SMYD3: variants seen among roughly 807,000 people sequenced by gnomAD.
SMYD3 encodes SET and MYND domain containing 3.
SMYD3 carries 36 observed loss-of-function variants against 57.7 expected under a neutral mutation model. The ratio of observed to expected loss-of-function variants is 0.62; its 90% confidence interval spans 0.48 to 0.82. The LOEUF (loss-of-function observed/expected upper bound fraction) is 0.82. Among genes scored for constraint, SMYD3 ranks in the 40% least tolerant of loss-of-function variants. The pLI is 0.00. For missense variants in SMYD3, 515 were observed against 538.8 expected (o/e 0.96, Z 0.44); for synonymous variants, 211 against 195.0 (o/e 1.08, Z -0.68).
At chr1:246,130,260 C>A (rs779193086) in intron 5 of SMYD3, among the ~76,000 whole-genome samples, 3 of 152,120 alleles carry the variant, frequency 2.0e-5, no homozygotes, top group Non-Finnish European at 4.4e-5. Flanking sequence ...TCACTAAGAT[C>A]ATTTAGGGTT....
chr1:246,288,483 TG>T (rs1394282480), intron 5 of SMYD3, among the ~76,000 whole-genome samples: 1 of 151,856 alleles, frequency 6.6e-6, no homozygotes, highest in Admixed American at 6.6e-5. Context: ...TGTGACCCAG[TG>T]GGGGTAATGC....
At chr1:246,312,742 T>C (rs1024096657) in intron 5 of SMYD3, among the ~76,000 whole-genome samples, 2 of 152,164 alleles carry the variant, frequency 1.3e-5, no homozygotes, top group African/African-American at 4.8e-5. Flanking sequence ...CAGCACCATA[T>C]TGTCATTCAA....
intron 8 of SMYD3, among the ~76,000 whole-genome samples, chr1:245,888,761 A>G (rs1371489406): frequency 6.6e-6 from 1 of 152,246 alleles, no homozygotes; most frequent in Non-Finnish European, 1.5e-5. Flanking sequence ...TAACATGCAG[A>G]AAGAGCCCAA....
chr1:246,027,595 T>C (rs1206618051), intron 5 of SMYD3, among the ~76,000 whole-genome samples: 2 of 152,248 alleles, frequency 1.3e-5, no homozygotes, highest in East Asian at 1.9e-4. Context: ...CATAGTTTAC[T>C]GAATATCTGA....
chr1:246,068,397 C>G (rs2060385035), intron 5 of SMYD3, among the ~76,000 whole-genome samples: 1 of 151,986 alleles, frequency 6.6e-6, no homozygotes, highest in Non-Finnish European at 1.5e-5. Flanking sequence ...TTTTATAATT[C>G]TCTTCTTTAT....
intron 8 of SMYD3, among the ~76,000 whole-genome samples, chr1:245,869,616 G>C (rs1387670981): frequency 6.6e-6 from 1 of 152,198 alleles, no homozygotes; most frequent in Non-Finnish European, 1.5e-5. Context: ...TCTCAGGTAA[G>C]AACGAGTCTC....
At chr1:246,282,008 T>C (rs936615299) in intron 5 of SMYD3, among the ~76,000 whole-genome samples, 2 of 152,168 alleles carry the variant, frequency 1.3e-5, no homozygotes, top group Non-Finnish European at 2.9e-5. Context: ...CCTTTCTGTT[T>C]TTGTAACATA....
chr1:246,143,166 A>G, intron 5 of SMYD3, among the ~76,000 whole-genome samples: 1 of 106,072 alleles, frequency 9.4e-6, no homozygotes, highest in East Asian at 3.0e-4. Context: ...CACACACACA[A>G]ACATGCATCC....
chr1:246,182,600 C>G (rs1464166694), intron 5 of SMYD3, among the ~76,000 whole-genome samples: 1 of 152,184 alleles, frequency 6.6e-6, no homozygotes, highest in Non-Finnish European at 1.5e-5. Flanking sequence ...GTTCACCAGC[C>G]TTATCCAAGA....
At chr1:246,261,350 C>T (rs1263003286) in intron 5 of SMYD3, among the ~76,000 whole-genome samples, 6 of 149,444 alleles carry the variant, frequency 4.0e-5, no homozygotes, top group African/African-American at 1.5e-4. Flanking sequence ...AGCCACCGCA[C>T]CCAGCTCTCT....
At chr1:246,031,144 T>C (rs1043972296) in intron 5 of SMYD3, among the ~76,000 whole-genome samples, 3 of 152,168 alleles carry the variant, frequency 2.0e-5, no homozygotes, top group African/African-American at 4.8e-5. Context: ...TTTATCTGTA[T>C]GTTTCTAGCA....
At chr1:245,814,992 G>A (rs73134735) in intron 10 of SMYD3, among the ~76,000 whole-genome samples, 15,473 of 152,070 alleles carry the variant, frequency 0.1, 2,244 homozygotes, top group African/African-American at 0.33. Context: ...AATAAATGAA[G>A]GGTAAACTAA....
At chr1:246,081,170 G>A (rs1360844155) in intron 5 of SMYD3, among the ~76,000 whole-genome samples, 1 of 152,206 alleles carries the variant, frequency 6.6e-6, no homozygotes, top group Non-Finnish European at 1.5e-5. Flanking sequence ...TCTGGGAAGA[G>A]TGTGGTTACC....
At chr1:246,102,860 G>A (rs549491161) in intron 5 of SMYD3, among the ~76,000 whole-genome samples, 1 of 152,282 alleles carries the variant, frequency 6.6e-6, no homozygotes, top group Admixed American at 6.5e-5. Context: ...ACCCCAGCCT[G>A]GGTAACAGAA....
At chr1:246,324,190 G>A (rs1325712258) in intron 5 of SMYD3, among the ~76,000 whole-genome samples, 1 of 152,060 alleles carries the variant, frequency 6.6e-6, no homozygotes, top group Non-Finnish European at 1.5e-5. Flanking sequence ...CAAGGCGGGC[G>A]GATCATCCGA....
At chr1:245,811,348 T>G (rs1008047978) in intron 10 of SMYD3, among the ~76,000 whole-genome samples, 8 of 152,250 alleles carry the variant, frequency 5.3e-5, no homozygotes, top group Non-Finnish European at 1.0e-4. Context: ...TATACAGATG[T>G]GTTTCCAGCC....
chr1:246,079,424 G>A lies in SMYD3; in HGVS notation c.532-149487C>T, dbSNP rs73137885. Among the ~76,000 whole-genome samples, 1,475 of 152,294 alleles carry A rather than the reference G, an allele frequency of 9.7e-3. 18 individuals carry two copies. Among genetic ancestry groups the A allele is most frequent in the African/African-American group, 0.033 (1,382 of 41,562 alleles). ...ATTGATGTATTTATTACTTGGTGGT[G>A]TGAATTAGAAATATGATAAATTTAA... On this transcript the variant is annotated intron_variant, in intron 5 of 11. Coordinates refer to ENST00000490107, the MANE Select transcript of SMYD3 (RefSeq NM_001167740.2).
intron 5 of SMYD3, among the ~76,000 whole-genome samples, chr1:246,061,805 A>T (rs1422250664): frequency 6.6e-6 from 1 of 152,202 alleles, no homozygotes; most frequent in East Asian, 1.9e-4. Context: ...GAAGCTTTTG[A>T]TTCGTTAGTG....
intron 1 of SMYD3, among the ~76,000 whole-genome samples, chr1:246,399,591 G>A (rs771606764): frequency 9.2e-5 from 14 of 151,864 alleles, no homozygotes; most frequent in Admixed American, 2.0e-4. Context: ...TGATCTGCCC[G>A]GGTCAGCTTT....
Sources: allele counts gnomAD v4.1 joint callset (sites outside exome capture counted in the v4.1 genomes callset), GRCh38; gene constraint gnomAD v4.1.1; transcripts MANE v1.5; gene names NCBI Gene and HGNC (gene_info 2026-07-23, HGNC 2026-07-21).